PRTN3: variants seen among roughly 807,000 people sequenced by gnomAD.
The protein encoded by PRTN3 is proteinase 3.
PRTN3 carries 22 observed loss-of-function variants against 20.7 expected under a neutral mutation model. The ratio of observed to expected loss-of-function variants is 1.06; its 90% CI spans 0.76 to 1.52. The LOEUF (loss-of-function observed/expected upper bound fraction) is 1.52. Among genes scored for constraint, PRTN3 ranks in the 40% most tolerant of loss-of-function variants. The pLI is 0.00. For synonymous variants in PRTN3, 173 were observed against 152.9 expected, an observed-to-expected ratio of 1.13 and a Z score of -0.97; for missense variants, 378 against 359.6, an observed-to-expected ratio of 1.05 and a Z score of -0.41.
chr19:846,400 C>G (rs371696237), intron 4 of PRTN3, 23 bp downstream of exon 4: 1 of 1,542,718 alleles, frequency 6.5e-7, no homozygotes, highest in Non-Finnish European at 8.8e-7. Context: ...GCCCCCACCC[C>G]GGGCACCGGG....
intron 3 of PRTN3, among the ~76,000 whole-genome samples, chr19:844,966 TAGAC>T (rs1461066592): frequency 1.3e-5 from 2 of 149,738 alleles, no homozygotes; most frequent in East Asian, 2.0e-4. Flanking sequence ...TTTTTTTTTT[TAGAC>T]AGAGTCTCAC....
intron 3 of PRTN3, 77 bp downstream of exon 3, chr19:844,111 T>G: frequency 1.3e-6 from 2 of 1,500,022 alleles, no homozygotes; most frequent in Non-Finnish European, 1.8e-6. Flanking sequence ...CAGCCAGCAT[T>G]CATTGAGCAC....
intron 3 of PRTN3, among the ~76,000 whole-genome samples, chr19:845,274 C>T (rs2035501908): frequency 1.3e-5 from 2 of 151,720 alleles, no homozygotes; most frequent in Non-Finnish European, 2.9e-5. Flanking sequence ...AAAAATCAAC[C>T]GGGCATGGTA....
chr19:843,307 C>T (rs1167153620), intron 1 of PRTN3, 154 bp from the exon 2 acceptor site: 5 of 725,506 alleles, frequency 6.9e-6, no homozygotes, highest in Non-Finnish European at 1.1e-5. Context: ...ATAACCCCCC[C>T]GGCCTGGGCG....
intron 3 of PRTN3, among the ~76,000 whole-genome samples, chr19:845,104 C>T (rs1003458614): frequency 6.6e-6 from 1 of 151,948 alleles, no homozygotes; most frequent in Non-Finnish European, 1.5e-5. Context: ...TGCACCAACA[C>T]GCTTGGCTAA....
At chr19:846,795 T>G (rs1050302102) in intron 4 of PRTN3, among the ~76,000 whole-genome samples, 2 of 152,056 alleles carry the variant, frequency 1.3e-5, no homozygotes, top group African/African-American at 4.8e-5. Context: ...CAGGCTGGAG[T>G]GCAGTGGTGA....
intron 3 of PRTN3, among the ~76,000 whole-genome samples, chr19:845,635 A>G (rs763577860): frequency 6.6e-6 from 1 of 150,898 alleles, no homozygotes; most frequent in African/African-American, 2.4e-5. Context: ...AATTGCTTGA[A>G]CCCAGGAGGC....
intron 3 of PRTN3, among the ~76,000 whole-genome samples, 178 bp from the exon 4 acceptor site, chr19:845,969 G>T (rs970893384): frequency 2.6e-5 from 4 of 151,550 alleles, no homozygotes; most frequent in African/African-American, 9.7e-5. Context: ...AAGAAGGAAA[G>T]AAAATGAATG....
At chr19:842,606 T>TTTTTTTTTTTA (rs2035460969) in intron 1 of PRTN3, among the ~76,000 whole-genome samples, 1 of 141,410 alleles carries the variant, frequency 7.1e-6, no homozygotes, top group Non-Finnish European at 1.5e-5. Flanking sequence ...TTTTTTTTTT[T>TTTTTTTTTTTA]GAGACGGAGT....
At chr19:843,718 A>G in intron 2 of PRTN3, 92 bp downstream of exon 2, 1 of 1,477,092 alleles carries the variant, frequency 6.8e-7, no homozygotes, top group Non-Finnish European at 9.0e-7. Flanking sequence ...GGGAGGACCC[A>G]GCTAAGCCCC....
chr19:843,366 G>C, intron 1 of PRTN3, 95 bp from the exon 2 acceptor site: 1 of 1,335,660 alleles, frequency 7.5e-7, no homozygotes, highest in Non-Finnish European at 9.9e-7. Flanking sequence ...TGCAGATCGG[G>C]AGACGGAGGC....
chr19:847,444 A>G (rs1415776598), intron 4 of PRTN3, among the ~76,000 whole-genome samples: 1 of 151,958 alleles, frequency 6.6e-6, no homozygotes, highest in Non-Finnish European at 1.5e-5. Flanking sequence ...CGCAAACAAA[A>G]CAAAAACAAA....
chr19:847,690 C>A, intron 4 of PRTN3, 109 bp from the exon 5 acceptor site: 1 of 1,368,324 alleles, frequency 7.3e-7, no homozygotes, highest in Non-Finnish European at 9.8e-7. Flanking sequence ...CTGGCTGTCC[C>A]CATCCTCCCG....
chr19:842,291 C>T (rs1353370325), intron 1 of PRTN3, among the ~76,000 whole-genome samples: 1 of 144,916 alleles, frequency 6.9e-6, no homozygotes, highest in Non-Finnish European at 1.5e-5. Flanking sequence ...GTTTGTTCAT[C>T]TGCAAAATGG....
chr19:843,220 G>C, intron 1 of PRTN3: 1 of 542,956 alleles, frequency 1.8e-6, no homozygotes, highest in Non-Finnish European at 3.2e-6. Flanking sequence ...CCAGCCACCT[G>C]GTCTGCGTCT....
chr19:846,355 G>A lies in PRTN3; in HGVS notation c.578G>A (p.Arg193His), dbSNP rs148200539. 2.3e-4 allele frequency: 364 copies of A among 1,559,734 alleles called. 1 individual carries two copies. Among genetic ancestry groups the A allele is most frequent in the South Asian group, 1.2e-3 (103 of 84,322 alleles). ...RPHNICTFVPRRKAGICFGDS... is the reference protein window; with the variant it reads ...RPHNICTFVPHRKAGICFGDS... ...CATAACATTTGCACTTTCGTCCCTC[G>A]CCGCAAGGCCGGCATCTGCTTCGTA... The change falls in exon 4 of 5, where the codon CGC (arginine) becomes CAC (histidine). Residue 193 changes from arginine (R) to histidine (H), a missense_variant. By Grantham distance (29) the Arg-to-His change is conservative. Coordinates refer to ENST00000234347, the MANE Select transcript of PRTN3 (RefSeq NM_002777.4).
rs1418281557 is a variant in PRTN3, at chr19:843,886, C to A, written c.228-7C>A. 2.5e-6 allele frequency: 4 copies of A among 1,582,298 alleles called. No individual in the cohort carries two copies. The highest frequency in any genetic ancestry group is 2.3e-5 in the East Asian group (1 of 43,688). On this transcript the variant is annotated splice_region_variant and splice_polypyrimidine_tract_variant and intron_variant, in intron 2 of 4. Transcript: ENST00000234347. ...GGCGCCGAGGAGTGACCACCCCACC[C>A]CCGCAGACCCCAGCGCCTGGTGAAC...
chr19:844,220 C>CCGCCTCTCTCCCGCCCG (rs2035484917), intron 3 of PRTN3, among the ~76,000 whole-genome samples, 186 bp downstream of exon 3: 1 of 101,516 alleles, frequency 9.9e-6, no homozygotes, highest in Admixed American at 1.1e-4. Context: ...CTCCTCCTCC[C>CCGCCTCTCTCCCGCCCG]CGCCTCTCCC....
chr19:847,423 C>T (rs1453727909), intron 4 of PRTN3, among the ~76,000 whole-genome samples: 2 of 148,474 alleles, frequency 1.3e-5, no homozygotes, highest in Non-Finnish European at 3.0e-5. Flanking sequence ...GGTGACAGAG[C>T]GAGACTCTGT....
Sources: allele counts gnomAD v4.1 joint callset (sites outside exome capture counted in the v4.1 genomes callset), GRCh38; gene constraint gnomAD v4.1.1; transcripts MANE v1.5; gene names NCBI Gene and HGNC (gene_info 2026-07-23, HGNC 2026-07-21).